Variants in PLCXD2 observed in about 807,000 individuals in gnomAD.
PLCXD2 encodes phosphatidylinositol specific phospholipase C X domain containing 2, also known as PI-PLC X domain-containing protein 2.
PLCXD2 carries 21 observed loss-of-function variants against 28.6 expected under a neutral mutation model. The ratio of observed to expected loss-of-function variants is 0.73; its 90% CI spans 0.52 to 1.06. PLCXD2 has a LOEUF of 1.06. Among genes scored for constraint, PLCXD2 ranks in the 50% least tolerant of loss-of-function variants. PLCXD2 has a pLI of 0.00. For synonymous variants in PLCXD2, 140 were observed against 150.1 expected, an observed-to-expected ratio of 0.93 and a Z score of 0.49; for missense variants, 369 against 376.7, an observed-to-expected ratio of 0.98 and a Z score of 0.17.
In PLCXD2 at chr3:111,708,038, GA is replaced by G; in HGVS notation, c.278del (p.Lys93SerfsTer4). 2 of 1,614,214 alleles carry G rather than the reference GA, an allele frequency of 1.2e-6. No individual in the cohort carries two copies. Among genetic ancestry groups the G allele is most frequent in the South Asian group, 1.1e-5 (1 of 91,090 alleles). On this transcript the variant is annotated frameshift_variant, in exon 2 of 5. Transcript: ENST00000477665. LOFTEE classifies it high-confidence loss of function. The stretch of plus-strand genomic sequence containing the variant: ...TCTCCTTGGTGAAGAAGCTAATGAA[GA>G]AGTGGTCTGTGACTCAGAACCTGAC...
At chr3:111,706,242 G>A (rs186314123) in intron 1 of PLCXD2, among the ~76,000 whole-genome samples, 1 of 152,266 alleles carries the variant, frequency 6.6e-6, no homozygotes, top group East Asian at 1.9e-4. Context: ...CTATTGAGTT[G>A]TTTGAATTCC....
intron 1 of PLCXD2, among the ~76,000 whole-genome samples, chr3:111,701,626 T>C (rs1475275495): frequency 2.0e-5 from 3 of 152,196 alleles, no homozygotes; most frequent in African/African-American, 7.2e-5. Flanking sequence ...CTTTTAAGTA[T>C]GAACAAATTA....
At chr3:111,678,552 T>A (rs1940660019) in intron 1 of PLCXD2, among the ~76,000 whole-genome samples, 2 of 152,226 alleles carry the variant, frequency 1.3e-5, no homozygotes, top group African/African-American at 4.8e-5. Context: ...AAACACTTTC[T>A]TTCTTATTAA....
intron 2 of PLCXD2, among the ~76,000 whole-genome samples, chr3:111,711,934 G>A (rs181574343): frequency 2.4e-3 from 358 of 152,288 alleles, no homozygotes; most frequent in African/African-American, 8.1e-3. Context: ...TCAAGGAATC[G>A]TTCTTGAAGG....
chr3:111,711,071 G>T (rs1013074070), intron 2 of PLCXD2, among the ~76,000 whole-genome samples: 1 of 152,152 alleles, frequency 6.6e-6, no homozygotes, highest in East Asian at 1.9e-4. Context: ...AGATCCCCCT[G>T]TGCTCCCTTC....
Position 111,718,281 on chromosome 3 carries a change from G to A in PLCXD2, c.866+4153G>A, listed in dbSNP as rs188471973. On this transcript the variant is annotated intron_variant, in intron 3 of 4. Coordinates refer to ENST00000477665, the MANE Select transcript of PLCXD2 (RefSeq NM_001185106.1). The stretch of plus-strand genomic sequence containing the variant: ...AGATCGAGACCATCCTGGCTAACAC[G>A]GTGAAACCCCGTCTCTACTGAAAAT... Among the ~76,000 whole-genome samples, 425 of 152,176 alleles carry A rather than the reference G, an allele frequency of 2.8e-3. 2 individuals are homozygous for A. The highest frequency in any genetic ancestry group is 9.3e-3 in the African/African-American group (385 of 41,502).
chr3:111,692,769 G>A (rs1218716673), intron 1 of PLCXD2, among the ~76,000 whole-genome samples: 1 of 152,172 alleles, frequency 6.6e-6, no homozygotes, highest in Admixed American at 6.5e-5. Context: ...CAGCTAAAGT[G>A]TTCAGCAAAA....
At chr3:111,699,948 G>A (rs917801513) in intron 1 of PLCXD2, among the ~76,000 whole-genome samples, 1 of 152,190 alleles carries the variant, frequency 6.6e-6, no homozygotes, top group Non-Finnish European at 1.5e-5. Context: ...TTATTTGAAG[G>A]TTTGAAAGTA....
At chr3:111,722,182 G>GATTGAGTTATTT (rs148008020) in intron 3 of PLCXD2, 1 of 122,034 alleles carries the variant, frequency 8.2e-6, no homozygotes, top group Non-Finnish European at 1.7e-5. Flanking sequence ...CTTGTGTTTT[G>GATTGAGTTATTT]ATTTATTTAT....
rs371366632 is a variant in PLCXD2, at chr3:111,708,277, A to G, written c.515A>G (p.His172Arg). ...CACTTCTATGCCATGGATGAGACCC[A>G]TCACAAATGCCTGGTTCTGCGGATC... is the stretch of plus-strand genomic sequence containing the variant. Residue 172 changes from histidine to arginine, a missense_variant, in exon 2 of 5, where the codon CAT (histidine) becomes CGT (arginine). Transcript: ENST00000477665. 7 of 1,614,018 alleles carry G rather than the reference A, an allele frequency of 4.3e-6. No individual in the cohort carries two copies. The African/African-American group carries it at 9.3e-5, about 22-fold the overall frequency.
chr3:111,714,080 C>A lies in PLCXD2; in HGVS notation c.818C>A (p.Thr273Asn), dbSNP rs1182616912. ...GCGATCCTCACCCCCAGAGTGAAGA[C>A]CATTGCCCGGGGCTTGGTTGGGGGC... The change falls in exon 3 of 5, where the codon ACC (threonine) becomes AAC (asparagine). Residue 273 changes from threonine to asparagine, a missense_variant. Physicochemically the swap from Thr to Asn is moderately conservative, Grantham distance 65. Transcript: ENST00000477665. The A allele has an allele frequency of 6.2e-7, 1 of 1,614,136 alleles. No individual in the cohort carries two copies. The highest frequency in any genetic ancestry group is 1.1e-5 in the South Asian group (1 of 91,082).
intron 3 of PLCXD2, chr3:111,724,065 T>C (rs1024811598): frequency 2.6e-5 from 4 of 152,022 alleles, no homozygotes; most frequent in African/African-American, 9.7e-5. Context: ...TTTAGTTCGG[T>C]TAGAGTAGTG....
At chr3:111,712,611 C>A (rs891421527) in intron 2 of PLCXD2, among the ~76,000 whole-genome samples, 1 of 152,176 alleles carries the variant, frequency 6.6e-6, no homozygotes, top group East Asian at 1.9e-4. Flanking sequence ...CTGGTGCTCC[C>A]CAGCTCTGGG....
chr3:111,724,985 G>C (rs576810158), intron 3 of PLCXD2: 2 of 152,128 alleles, frequency 1.3e-5, no homozygotes, highest in Non-Finnish European at 2.9e-5. Flanking sequence ...TTATACTCAG[G>C]GGGTGTGCAG....
chr3:111,689,813 G>A (rs1237824246), intron 1 of PLCXD2, among the ~76,000 whole-genome samples: 1 of 152,124 alleles, frequency 6.6e-6, no homozygotes, highest in African/African-American at 2.4e-5. Flanking sequence ...GGACAGGCAG[G>A]AAGCAAGTAG....
chr3:111,719,771 G>A (rs1157921110), intron 3 of PLCXD2, among the ~76,000 whole-genome samples: 1 of 152,220 alleles, frequency 6.6e-6, no homozygotes, highest in Non-Finnish European at 1.5e-5. Flanking sequence ...GAAGGGGCTT[G>A]CAGGAACTTT....
At chr3:111,714,291 T>C (rs1941239527) in intron 3 of PLCXD2, among the ~76,000 whole-genome samples, 163 bp downstream of exon 3, 1 of 152,198 alleles carries the variant, frequency 6.6e-6, no homozygotes, top group Non-Finnish European at 1.5e-5. Context: ...TTGAGGTGGA[T>C]TGTATTAACA....
intron 1 of PLCXD2, among the ~76,000 whole-genome samples, chr3:111,685,413 C>T (rs569819839): frequency 6.6e-6 from 1 of 152,214 alleles, no homozygotes; most frequent in Admixed American, 6.5e-5. Flanking sequence ...CTTGTGTATA[C>T]TATACCATAA....
intron 1 of PLCXD2, among the ~76,000 whole-genome samples, chr3:111,706,832 A>G (rs1241617230): frequency 6.6e-6 from 1 of 151,908 alleles, no homozygotes; most frequent in Non-Finnish European, 1.5e-5. Flanking sequence ...AAAAAACACA[A>G]AGAGAAAGAA....
Sources: allele counts gnomAD v4.1 joint callset (sites outside exome capture counted in the v4.1 genomes callset), GRCh38; gene constraint gnomAD v4.1.1; transcripts MANE v1.5; gene names NCBI Gene and HGNC (gene_info 2026-07-23, HGNC 2026-07-21).